RWDD2B: variants seen among roughly 807,000 people sequenced by gnomAD.
RWDD2B encodes RWD domain-containing protein 2B.
A neutral mutation model predicts 33.6 loss-of-function variants in RWDD2B; 36 were observed. The observed-to-expected ratio is 1.07, with a 90% CI of 0.82 to 1.42. The LOEUF (loss-of-function observed/expected upper bound fraction) is 1.42, where lower values mean the gene tolerates loss of function less well. Ranked by LOEUF, RWDD2B falls within the 40% of genes most tolerant of loss-of-function variation. The pLI, the probability that RWDD2B is intolerant of heterozygous loss-of-function variation, is 0.00. For missense variants in RWDD2B, 364 were observed against 377.5 expected (o/e 0.96, Z 0.30); for synonymous variants, 126 against 133.1 (o/e 0.95, Z 0.37).
chr21:29,014,067 C>T (rs946344084), intron 1 of RWDD2B, among the ~76,000 whole-genome samples: 9 of 152,108 alleles, frequency 5.9e-5, no homozygotes, highest in Non-Finnish European at 1.3e-4. Context: ...GGGTAGTTTA[C>T]GATGAAGAGA....
chr21:29,009,219 C>T (rs185939328), intron 1 of RWDD2B, among the ~76,000 whole-genome samples: 2 of 152,040 alleles, frequency 1.3e-5, no homozygotes, highest in Admixed American at 6.6e-5. Context: ...TTCTGAGTAG[C>T]TAGGACCACA....
At chr21:29,019,137 G>A in intron 1 of RWDD2B, 74 bp downstream of exon 1, 1 of 1,262,230 alleles carries the variant, frequency 7.9e-7, no homozygotes, top group Non-Finnish European at 1.1e-6. Context: ...CGTTCCCAAA[G>A]GGTTGCACTG....
At chr21:29,012,973 A>G (rs1014532977) in intron 1 of RWDD2B, among the ~76,000 whole-genome samples, 6 of 151,098 alleles carry the variant, frequency 4.0e-5, no homozygotes, top group Non-Finnish European at 8.8e-5. Flanking sequence ...TTAAGTGCCT[A>G]TATGTATTTG....
At position 29,019,321 on chromosome 21, in the gene RWDD2B, T is replaced by TA. The variant is rs1252740504; in HGVS notation, c.-45dup. On this transcript the variant is annotated 5_prime_UTR_variant, in exon 1 of 5. Transcript: ENST00000493196. ...TTCTAGCATACTGCGACCCAAAACT[T>TA]ACAAACCGCCTCAGCTGGCGACCTA... 1 of 1,429,234 alleles carries TA rather than the reference T, an allele frequency of 7.0e-7. No homozygotes were observed. Among genetic ancestry groups the TA allele is most frequent in the Non-Finnish European group, 9.6e-7 (1 of 1,037,960 alleles). The allele number at this position is 1,429,234 out of a possible 1,614,324, so 88.5% of individuals were successfully genotyped here.
chr21:29,012,613 G>T lies in RWDD2B; in HGVS notation c.68-3992C>A, dbSNP rs1209683990. ...AGTCATCACCACTCCCTAATCTCAA[G>T]TACCCAGGGACACAAACACTGCGGA... is the stretch of plus-strand genomic sequence containing the variant. On this transcript the variant is annotated intron_variant, in intron 1 of 4. Coordinates refer to ENST00000493196, the MANE Select transcript of RWDD2B (RefSeq NM_016940.3). Among the ~76,000 whole-genome samples, 8 of 151,620 alleles carry T rather than the reference G, an allele frequency of 5.3e-5. No individual in the cohort carries two copies. The East Asian group carries it at 1.4e-3, about 26-fold the overall frequency.
chr21:29,010,867 G>A (rs568056355), intron 1 of RWDD2B, among the ~76,000 whole-genome samples: 2 of 152,200 alleles, frequency 1.3e-5, no homozygotes, highest in South Asian at 4.1e-4. Flanking sequence ...ACGGGGTTTC[G>A]CTGTGTTGGC....
In RWDD2B at chr21:29,019,224, C is replaced by T. The variant is rs749815784; in HGVS notation, c.54G>A (p.Gly18=). Residue 18 remains glycine (G), a synonymous_variant, in exon 1 of 5, where the codon GGG becomes GGA. Transcript: ENST00000493196. ...QPWNPGYSSE[G]ATAQETYTCP... ...GGCGAGACTCACCTTGAGCCGTGGC[C>T]CCCTCACTGCTGTAACCCGGGTTCC... The T allele has an allele frequency of 2.5e-6, 4 of 1,602,668 alleles. No individual in the cohort carries two copies. The South Asian group carries it at 3.4e-5, about 14-fold the overall frequency.
Position 29,013,646 on chromosome 21 carries a change from G to A in RWDD2B, c.68-5025C>T, listed in dbSNP as rs1288803909. On this transcript the variant is annotated intron_variant, in intron 1 of 4. Coordinates refer to ENST00000493196, the MANE Select transcript of RWDD2B (RefSeq NM_016940.3). The stretch of plus-strand genomic sequence containing the variant: ...GGAGCTTGCAGTGAGCCGAGATCGC[G>A]CCACTGCACTCCAGCCTGGGCGACA... Among the ~76,000 whole-genome samples, 3 of 142,788 alleles carry A rather than the reference G, an allele frequency of 2.1e-5. No homozygotes were observed. In the East Asian group the frequency reaches 6.3e-4, roughly 30 times the overall value. The allele number at this position is 142,788 out of a possible 152,430, so 93.7% of individuals were successfully genotyped here. A position where few individuals can be genotyped will look rare whatever the true frequency, so the allele number is the denominator to read the frequency against.
chr21:29,012,784 T>A (rs1489513603), intron 1 of RWDD2B, among the ~76,000 whole-genome samples: 1 of 151,352 alleles, frequency 6.6e-6, no homozygotes, highest in African/African-American at 2.4e-5. Context: ...AAAAAAAAAG[T>A]CTTCTATTTT....
rs1013330199 is a variant in RWDD2B at position 29,004,538 on chromosome 21, G to T, written c.*1879C>A. The T allele has an allele frequency of 6.6e-6, 1 of 152,210 alleles. No individual in the cohort carries two copies. Among genetic ancestry groups the T allele is most frequent in the East Asian group, 1.9e-4 (1 of 5,196 alleles). The allele number at this position is 152,210 out of a possible 1,614,324, so 9.4% of individuals were successfully genotyped here. A position where few individuals can be genotyped will look rare whatever the true frequency, so the allele number is the denominator to read the frequency against. On this transcript the variant is annotated 3_prime_UTR_variant, in exon 5 of 5. Transcript: ENST00000493196. The stretch of plus-strand genomic sequence containing the variant: ...ATATGCATCATCTGCCCCCTTTGGT[G>T]GTAGGGATGTCAGATTCCATTCTCT...
chr21:29,014,433 C>G (rs1206041577), intron 1 of RWDD2B, among the ~76,000 whole-genome samples: 1 of 152,212 alleles, frequency 6.6e-6, no homozygotes, highest in African/African-American at 2.4e-5. Context: ...TCCCACCACT[C>G]AACTCTATTG....
rs1330712256 is a variant in RWDD2B, at chr21:29,005,102, G to A, written c.*1315C>T. The A allele has an allele frequency of 1.3e-5, 2 of 152,216 alleles. No individual in the cohort carries two copies. The highest frequency in any genetic ancestry group is 4.8e-5 in the African/African-American group (2 of 41,454). 9.4% of individuals were successfully genotyped at this position (152,216 alleles called of 1,614,324 possible). A position where few individuals can be genotyped will look rare whatever the true frequency, so the allele number is the denominator to read the frequency against. Reference sequence around the variant, plus strand: ...TGGAGGTCCTCAAAAACTGGGTGGTGTGTTTATTTAATGCTAGGTCAATTT... The same window carrying A: ...TGGAGGTCCTCAAAAACTGGGTGGTATGTTTATTTAATGCTAGGTCAATTT... On this transcript the variant is annotated 3_prime_UTR_variant, in exon 5 of 5. Transcript: ENST00000493196.
At chr21:29,011,595 G>A (rs1217112415) in intron 1 of RWDD2B, among the ~76,000 whole-genome samples, 1 of 139,726 alleles carries the variant, frequency 7.2e-6, no homozygotes, top group Non-Finnish European at 1.6e-5. Context: ...GGTGGGGGGG[G>A]TCAGCCCCCC....
At chr21:29,010,755 T>C (rs1033162020) in intron 1 of RWDD2B, among the ~76,000 whole-genome samples, 2 of 151,594 alleles carry the variant, frequency 1.3e-5, no homozygotes, top group Non-Finnish European at 3.0e-5. Context: ...CTCGGCTCAC[T>C]GCAACCTCCC....
rs201343880 is a variant in RWDD2B, at chr21:29,008,325, G to C, written c.295-18C>G. The C allele has an allele frequency of 5.5e-5, 89 of 1,613,644 alleles. No individual in the cohort carries two copies. In the African/African-American group the frequency reaches 1.1e-3, roughly 20 times the overall value. ...AACATCGCCTGATTAAAGAGAAGAA[G>C]AAAAAGTGCACTAACCAATGTTTTA... On this transcript the variant is annotated intron_variant, in intron 2 of 4. Coordinates refer to ENST00000493196, the MANE Select transcript of RWDD2B (RefSeq NM_016940.3).
Position 29,006,529 on chromosome 21 carries a change from C to T in RWDD2B, c.848G>A (p.Ser283Asn). 6.2e-7 allele frequency: 1 copy of T among 1,613,166 alleles called. No homozygotes were observed. The highest frequency in any genetic ancestry group is 1.1e-5 in the South Asian group (1 of 91,082). The change falls in exon 5 of 5, where the codon AGT becomes AAT. Residue 283 changes from serine (S) to asparagine (N), a missense_variant. By Grantham distance (46) the Ser-to-Asn change is conservative. Coordinates refer to ENST00000493196, the MANE Select transcript of RWDD2B (RefSeq NM_016940.3). ...KFSIFEEKVF[S>N]VNGARGNHMD... ...GTGGTTTCCCCTGGCTCCATTAACA[C>T]TGAACACTTTTTCTTCAAAAATGGA...
intron 1 of RWDD2B, among the ~76,000 whole-genome samples, chr21:29,016,601 A>G (rs1278435901): frequency 1.3e-5 from 2 of 151,974 alleles, no homozygotes; most frequent in African/African-American, 4.8e-5. Context: ...CATACTTAAA[A>G]TCCCTGGACT....
chr21:29,016,409 C>T (rs986479408), intron 1 of RWDD2B, among the ~76,000 whole-genome samples: 1 of 152,126 alleles, frequency 6.6e-6, no homozygotes, highest in Admixed American at 6.5e-5. Flanking sequence ...GGATTACAGG[C>T]ATGCGCCACC....
chr21:29,018,372 C>G (rs1379739655), intron 1 of RWDD2B, among the ~76,000 whole-genome samples: 4 of 152,152 alleles, frequency 2.6e-5, no homozygotes, highest in Non-Finnish European at 4.4e-5. Flanking sequence ...GTCTAGCAGG[C>G]AGTTAGATGT....
Sources: allele counts gnomAD v4.1 joint callset (sites outside exome capture counted in the v4.1 genomes callset), GRCh38; gene constraint gnomAD v4.1.1; transcripts MANE v1.5; gene names NCBI Gene and HGNC (gene_info 2026-07-23, HGNC 2026-07-21).